The following HDAC9 variants were observed in gnomAD, a reference collection of about 807,000 sequenced individuals.
HDAC9 encodes MEF-2 interacting transcription repressor (MITR) protein.
A neutral mutation model predicts 139.4 loss-of-function variants in HDAC9; 41 were observed. The observed-to-expected ratio is 0.29, with a 90% CI of 0.23 to 0.38. The LOEUF is 0.38. HDAC9 is among the 10% of genes least tolerant of loss of function. The pLI is 1.00. For missense variants in HDAC9, 1,147 were observed against 1,297.0 expected, an observed-to-expected ratio of 0.88 and a Z score of 1.78; for synonymous variants, 517 against 476.2, an observed-to-expected ratio of 1.09 and a Z score of -1.12.
At chr7:18,225,852 A>G (rs1793018471) in intron 2 of HDAC9, among the ~76,000 whole-genome samples, 1 of 152,190 alleles carries the variant, frequency 6.6e-6, no homozygotes, top group African/African-American at 2.4e-5. Flanking sequence ...TTAAAATAAC[A>G]TATTTAAACA....
intron 8 of HDAC9, among the ~76,000 whole-genome samples, chr7:18,635,551 G>A (rs1783623924): frequency 6.6e-6 from 1 of 152,054 alleles, no homozygotes; most frequent in South Asian, 2.1e-4. Flanking sequence ...GCTATCAAAG[G>A]CAAGAGTCTG....
intron 2 of HDAC9, among the ~76,000 whole-genome samples, chr7:18,254,516 A>G (rs896094254): frequency 6.6e-6 from 1 of 152,234 alleles, no homozygotes; most frequent in African/African-American, 2.4e-5. Context: ...ACCACCTGTA[A>G]TATTCACCTA....
intron 19 of HDAC9, among the ~76,000 whole-genome samples, chr7:18,834,479 C>A (rs1585123402): frequency 1.4e-5 from 2 of 147,814 alleles, no homozygotes; most frequent in Non-Finnish European, 3.0e-5. Flanking sequence ...TGGCACGTAT[C>A]TGTATCATAA....
chr7:18,903,585 C>G (rs1801928430), intron 22 of HDAC9, among the ~76,000 whole-genome samples: 1 of 152,118 alleles, frequency 6.6e-6, no homozygotes, highest in Non-Finnish European at 1.5e-5. Flanking sequence ...AGCATGTGAC[C>G]CTGAAAAGGT....
chr7:18,448,161 G>A (rs1450501796), intron 1 of HDAC9, among the ~76,000 whole-genome samples: 2 of 152,114 alleles, frequency 1.3e-5, no homozygotes, highest in Non-Finnish European at 2.9e-5. Context: ...CACCATGCCT[G>A]GCGATCTGGA....
At chr7:18,328,772 C>T (rs551884184) in intron 1 of HDAC9, among the ~76,000 whole-genome samples, 26 of 151,836 alleles carry the variant, frequency 1.7e-4, no homozygotes, top group African/African-American at 6.3e-4. Flanking sequence ...ATTTATTATT[C>T]TTGTAGTGTC....
intron 1 of HDAC9, among the ~76,000 whole-genome samples, chr7:18,306,301 C>T (rs1798903109): frequency 1.3e-5 from 2 of 152,110 alleles, no homozygotes; most frequent in Admixed American, 1.3e-4. Context: ...GCACTTCTGG[C>T]CACTGAAAAA....
intron 1 of HDAC9, among the ~76,000 whole-genome samples, chr7:18,357,956 TG>T (rs1278965642): frequency 6.6e-6 from 1 of 152,206 alleles, no homozygotes; most frequent in Non-Finnish European, 1.5e-5. Context: ...TATCTGATTT[TG>T]CTTTTGATAG....
At chr7:18,189,510 T>G (rs1449987391) in intron 2 of HDAC9, among the ~76,000 whole-genome samples, 1 of 152,110 alleles carries the variant, frequency 6.6e-6, no homozygotes, top group African/African-American at 2.4e-5. Context: ...AAGAATCACG[T>G]GGGGCTTATT....
At chr7:18,972,500 C>T (rs911860807) in intron 24 of HDAC9, among the ~76,000 whole-genome samples, 1 of 151,490 alleles carries the variant, frequency 6.6e-6, no homozygotes, top group African/African-American at 2.4e-5. Context: ...CCTGCCTCAG[C>T]CTCCGGAGTA....
chr7:18,877,242 T>C (rs1029808542), intron 22 of HDAC9, among the ~76,000 whole-genome samples: 1 of 152,142 alleles, frequency 6.6e-6, no homozygotes, highest in African/African-American at 2.4e-5. Flanking sequence ...GATAGCTCAA[T>C]AGTTGTTCCC....
chr7:18,480,343 C>T (rs905150941), intron 1 of HDAC9, among the ~76,000 whole-genome samples: 1 of 152,190 alleles, frequency 6.6e-6, no homozygotes, highest in Non-Finnish European at 1.5e-5. Flanking sequence ...TTTCTCCTAG[C>T]ACCACCCTGC....
chr7:18,546,813 G>A (rs1377654349), intron 2 of HDAC9, among the ~76,000 whole-genome samples: 5 of 152,158 alleles, frequency 3.3e-5, no homozygotes, highest in African/African-American at 7.2e-5. Context: ...ACTTCTCTCC[G>A]TTGTGTGTTT....
chr7:18,320,149 G>C (rs1426762019), intron 1 of HDAC9, among the ~76,000 whole-genome samples: 2 of 152,196 alleles, frequency 1.3e-5, no homozygotes, highest in African/African-American at 4.8e-5. Context: ...ACCACACTGA[G>C]GGGCCCAGTG....
chr7:18,757,432 A>C lies in HDAC9; in HGVS notation c.2044-4725A>C, dbSNP rs1297041233. Among the ~76,000 whole-genome samples the C allele has an allele frequency of 2.6e-5, 4 of 152,208 alleles. No homozygotes were observed. The East Asian group carries it at 7.7e-4, about 29-fold the overall frequency. On this transcript the variant is annotated intron_variant, in intron 14 of 25. Coordinates refer to ENST00000686413, the MANE Select transcript of HDAC9 (RefSeq NM_178425.4). ...AAATTTAAGTTGGACATTTTCTCTT[A>C]GTTTGGAACTGCCACAAAATGAGCC...
At chr7:18,442,086 G>C (rs2128093655) in intron 1 of HDAC9, among the ~76,000 whole-genome samples, 1 of 152,124 alleles carries the variant, frequency 6.6e-6, no homozygotes, top group East Asian at 1.9e-4. Flanking sequence ...TACATATTTA[G>C]AAGAGATACA....
At chr7:18,308,829 T>TA (rs1799101795) in intron 1 of HDAC9, among the ~76,000 whole-genome samples, 1 of 152,198 alleles carries the variant, frequency 6.6e-6, no homozygotes, top group South Asian at 2.1e-4. Context: ...TATGAGTTTT[T>TA]ATGGGTAAAT....
chr7:18,732,948 C>CGTGTGTATGTATGTGTATACACAT (rs1322276005), intron 13 of HDAC9, among the ~76,000 whole-genome samples: 1 of 116,726 alleles, frequency 8.6e-6, no homozygotes, highest in Non-Finnish European at 1.6e-5. Context: ...TGTATACACA[C>CGTGTGTATGTATGTGTATACACAT]GTGTATGTGT....
intron 1 of HDAC9, among the ~76,000 whole-genome samples, chr7:18,353,772 T>C (rs1304238472): frequency 6.6e-6 from 1 of 152,204 alleles, no homozygotes; most frequent in African/African-American, 2.4e-5. Flanking sequence ...TTGTGTTTTA[T>C]AGTGAAGTAG....
Sources: allele counts gnomAD v4.1 joint callset (sites outside exome capture counted in the v4.1 genomes callset), GRCh38; gene constraint gnomAD v4.1.1; transcripts MANE v1.5; gene names NCBI Gene and HGNC (gene_info 2026-07-23, HGNC 2026-07-21).